Variants in SLC9C1 observed in about 807,000 individuals in gnomAD.
SLC9C1 encodes solute carrier family 9 member C1.
In SLC9C1, 97 loss-of-function variants were observed where a neutral mutation model predicts 140.9. The observed-to-expected ratio is 0.69, with a 90% CI of 0.58 to 0.82. The LOEUF (loss-of-function observed/expected upper bound fraction) is 0.82. SLC9C1 is among the 40% of genes least tolerant of loss of function. The probability of loss-of-function intolerance (pLI) is 0.00; values close to 1 mark genes in which losing one functional copy is unlikely to be tolerated. For synonymous variants in SLC9C1, 440 were observed against 442.6 expected, an observed-to-expected ratio of 0.99 and a Z score of 0.07; for missense variants, 1,340 against 1,389.3, an observed-to-expected ratio of 0.96 and a Z score of 0.56.
intron 10 of SLC9C1, among the ~76,000 whole-genome samples, chr3:112,245,502 C>T (rs958880732): frequency 3.3e-5 from 5 of 151,388 alleles, no homozygotes; most frequent in African/African-American, 1.2e-4. Flanking sequence ...TCTCATTGAA[C>T]TGTTTCAGAA....
At chr3:112,146,031 C>G (rs928546531) in intron 28 of SLC9C1, among the ~76,000 whole-genome samples, 2 of 152,142 alleles carry the variant, frequency 1.3e-5, no homozygotes, top group Non-Finnish European at 2.9e-5. Context: ...ATTGCCCAGT[C>G]TCAAGTATGT....
intron 7 of SLC9C1, among the ~76,000 whole-genome samples, chr3:112,269,417 T>A: frequency 6.6e-6 from 1 of 152,276 alleles, no homozygotes; most frequent in East Asian, 1.9e-4. Flanking sequence ...GTAGGAACCC[T>A]CTTTTTGTAG....
chr3:112,204,423 T>A lies in SLC9C1; in HGVS notation c.1987-20A>T, dbSNP rs1324507342. Reference sequence around the variant, plus strand: ...TGCTATCTGTTGATTTAAAAGGAAATTACATTATCATGTTTGTTTCTGCTT... The same window carrying A: ...TGCTATCTGTTGATTTAAAAGGAAAATACATTATCATGTTTGTTTCTGCTT... On this transcript the variant is annotated intron_variant, in intron 16 of 28. Coordinates refer to ENST00000305815, the MANE Select transcript of SLC9C1 (RefSeq NM_183061.3). 6.5e-7 allele frequency: 1 copy of A among 1,541,252 alleles called. No homozygotes were observed. Among genetic ancestry groups the A allele is most frequent in the Non-Finnish European group, 8.7e-7 (1 of 1,154,658 alleles).
At chr3:112,238,521 A>G (rs13078336) in intron 12 of SLC9C1, among the ~76,000 whole-genome samples, 1 of 151,890 alleles carries the variant, frequency 6.6e-6, no homozygotes, top group African/African-American at 2.4e-5. Flanking sequence ...CCTTTGGAGG[A>G]GGAGAGGTGC....
At chr3:112,193,377 C>T (rs2077704306) in intron 20 of SLC9C1, among the ~76,000 whole-genome samples, 2 of 152,102 alleles carry the variant, frequency 1.3e-5, no homozygotes, top group African/African-American at 4.8e-5. Context: ...GGCATGTGGG[C>T]ACAAGACTGC....
rs1222261776 is a variant in SLC9C1, at chr3:112,245,699, GTTT to G, written c.1198-1626_1198-1624del. Reference sequence around the variant, plus strand: ...TTCAAAATTATTAGGGCTATCCTCAGTTTTCTGTATTTCTATATGGAGTTTAGA... The same window carrying G: ...TTCAAAATTATTAGGGCTATCCTCAGTCTGTATTTCTATATGGAGTTTAGA... On this transcript the variant is annotated intron_variant, in intron 10 of 28. Transcript: ENST00000305815. Among the ~76,000 whole-genome samples, 120 of 152,044 alleles carry G rather than the reference GTTT, an allele frequency of 7.9e-4. No homozygotes were observed. In the East Asian group the frequency reaches 0.014, roughly 18 times the overall value.
At chr3:112,287,550 G>A (rs904971229) in intron 1 of SLC9C1, among the ~76,000 whole-genome samples, 18 of 152,144 alleles carry the variant, frequency 1.2e-4, no homozygotes, top group African/African-American at 4.3e-4. Context: ...CTTGGAAGAG[G>A]AACAAGAGGG....
intron 17 of SLC9C1, 40 bp downstream of exon 17, chr3:112,204,178 C>A: frequency 7.1e-7 from 1 of 1,410,652 alleles, no homozygotes; most frequent in South Asian, 1.8e-5. Context: ...ATGAAACAAT[C>A]AGTAGGAATT....
At chr3:112,149,051 G>A (rs2074883742) in intron 28 of SLC9C1, among the ~76,000 whole-genome samples, 1 of 152,118 alleles carries the variant, frequency 6.6e-6, no homozygotes, top group Non-Finnish European at 1.5e-5. Context: ...CACAGGAGGG[G>A]TAGGGTGACT....
chr3:112,143,480 C>G (rs1480489780), intron 28 of SLC9C1, among the ~76,000 whole-genome samples: 2 of 152,130 alleles, frequency 1.3e-5, no homozygotes, highest in African/African-American at 4.8e-5. Context: ...TTGCATTTCT[C>G]TAATGATTAG....
chr3:112,205,115 C>G (rs2078010423), intron 16 of SLC9C1, among the ~76,000 whole-genome samples: 1 of 152,054 alleles, frequency 6.6e-6, no homozygotes, highest in Admixed American at 6.6e-5. Context: ...TCAATTTGTC[C>G]CTGTTTGCAG....
At chr3:112,164,731 G>A (rs1235883258) in intron 26 of SLC9C1, among the ~76,000 whole-genome samples, 2 of 151,776 alleles carry the variant, frequency 1.3e-5, no homozygotes, top group Non-Finnish European at 2.9e-5. Context: ...CAACTTTGGT[G>A]AATCTGACAA....
chr3:112,204,511 C>A, intron 16 of SLC9C1, 108 bp from the exon 17 acceptor site: 1 of 1,201,842 alleles, frequency 8.3e-7, no homozygotes. Context: ...ATCTACTCCA[C>A]ATGTATGAAA....
chr3:112,161,480 T>C (rs2075297166), intron 26 of SLC9C1, among the ~76,000 whole-genome samples: 1 of 152,240 alleles, frequency 6.6e-6, no homozygotes, highest in South Asian at 2.1e-4. Flanking sequence ...GTTTCAGCTT[T>C]CTACATATGG....
intron 25 of SLC9C1, 53 bp from the exon 26 acceptor site, chr3:112,167,400 A>T: frequency 6.6e-7 from 1 of 1,510,330 alleles, no homozygotes; most frequent in Non-Finnish European, 8.8e-7. Context: ...CTACAATTAA[A>T]AATTTACCTA....
chr3:112,257,518 C>T (rs1254154533), intron 10 of SLC9C1, among the ~76,000 whole-genome samples: 3 of 152,002 alleles, frequency 2.0e-5, no homozygotes, highest in Non-Finnish European at 2.9e-5. Flanking sequence ...AGAAACTGGA[C>T]CCCTTCGTTA....
intron 15 of SLC9C1, among the ~76,000 whole-genome samples, chr3:112,210,857 GA>G (rs2078182005): frequency 2.0e-5 from 3 of 151,828 alleles, no homozygotes; most frequent in South Asian, 4.2e-4. Flanking sequence ...GTAAAGACAG[GA>G]AAAAAACCCT....
intron 10 of SLC9C1, among the ~76,000 whole-genome samples, chr3:112,253,556 T>C (rs1190370722): frequency 6.6e-6 from 1 of 152,080 alleles, no homozygotes; most frequent in Non-Finnish European, 1.5e-5. Context: ...AGACAAGAAG[T>C]CATTTGCAAA....
At chr3:112,206,720 A>C (rs2078061055) in intron 16 of SLC9C1, among the ~76,000 whole-genome samples, 1 of 152,038 alleles carries the variant, frequency 6.6e-6, no homozygotes, top group Admixed American at 6.6e-5. Context: ...GGAAACCATC[A>C]TTCTGAGCAA....
Sources: allele counts gnomAD v4.1 joint callset (sites outside exome capture counted in the v4.1 genomes callset), GRCh38; gene constraint gnomAD v4.1.1; transcripts MANE v1.5; gene names NCBI Gene and HGNC (gene_info 2026-07-23, HGNC 2026-07-21).